The following MUC6 variants were observed in gnomAD, a reference collection of about 807,000 sequenced individuals.
MUC6 encodes the protein mucin 6, oligomeric mucus/gel-forming (gene/pseudogene).
MUC6 carries 188 observed loss-of-function variants against 201.5 expected under a neutral mutation model. The observed-to-expected ratio is 0.93, with a 90% CI of 0.83 to 1.05. MUC6 has a LOEUF of 1.05. Among genes scored for constraint, MUC6 ranks in the 50% least tolerant of loss-of-function variants. The pLI is 0.00. For missense variants in MUC6, 2,706 were observed against 3,256.9 expected, an observed-to-expected ratio of 0.83 and a Z score of 4.12; for synonymous variants, 1,228 against 1,389.4, an observed-to-expected ratio of 0.88 and a Z score of 2.58.
intron 1 of MUC6, among the ~76,000 whole-genome samples, chr11:1,034,435 G>A (rs1183195022): frequency 6.6e-6 from 1 of 152,200 alleles, no homozygotes; most frequent in Admixed American, 6.5e-5. Flanking sequence ...AGGTGTCATG[G>A]TCCTCAGCCC....
intron 24 of MUC6, among the ~76,000 whole-genome samples, chr11:1,024,442 G>A (rs1351641154): frequency 1.3e-5 from 2 of 152,172 alleles, no homozygotes; most frequent in Non-Finnish European, 2.9e-5. Context: ...GTTCCCCCGC[G>A]GGGTGCCCCC....
chr11:1,031,284 GC>G (rs1564844944), intron 4 of MUC6, 25 bp from the exon 5 acceptor site: 3 of 1,547,722 alleles, frequency 1.9e-6, no homozygotes, highest in East Asian at 2.4e-5. Flanking sequence ...TCTGCTGGGG[GC>G]CCGGGGGCCA....
chr11:1,029,409 C>T, intron 9 of MUC6, 43 bp from the exon 10 acceptor site: 1 of 1,594,426 alleles, frequency 6.3e-7, no homozygotes, highest in Non-Finnish European at 8.5e-7. Flanking sequence ...GGCAGGGCCG[C>T]TGGAGCCAGA....
intron 26 of MUC6, among the ~76,000 whole-genome samples, chr11:1,021,910 A>G (rs1384636864): frequency 6.6e-6 from 1 of 152,014 alleles, no homozygotes. Context: ...CACTTGGGCC[A>G]GGACCTGTTA....
chr11:1,028,178 T>A (rs1325881029), intron 14 of MUC6, 48 bp downstream of exon 14: 1 of 1,540,850 alleles, frequency 6.5e-7, no homozygotes. Flanking sequence ...CTGTCAGAAC[T>A]GTGGGCGCTG....
At position 1,015,814 on chromosome 11, in the gene MUC6, G is replaced by T. The variant is rs201540547; in HGVS notation, c.6987C>A (p.Thr2329=). Residue 2329 remains threonine, a synonymous_variant, in exon 31 of 33, where the codon ACC becomes ACA. Coordinates refer to ENST00000421673, the MANE Select transcript of MUC6 (RefSeq NM_005961.3). ...GAGAAGATACCGGGGCAGAAGCAGG[G>T]GTGCTTCCATGGGCAGTGAGGGAGC... ...LTSSLTAHGS[T]PASAPVSSLG... 5.0e-5 allele frequency: 79 copies of T among 1,567,900 alleles called. No individual in the cohort carries two copies. Among genetic ancestry groups the T allele is most frequent in the Non-Finnish European group, 6.6e-5 (76 of 1,155,274 alleles).
rs374502122 is a variant in MUC6 at position 1,024,068 on chromosome 11, G to A, written c.3261C>T (p.Arg1087=). The A allele has an allele frequency of 1.7e-4, 278 of 1,613,064 alleles. No individual in the cohort carries two copies. The highest frequency in any genetic ancestry group is 2.5e-4 in the African/African-American group (19 of 75,062). The part of the protein sequence containing the change: ...YHLPYYEACV[R]DACGCDSGGD... ...CGCCACTGTCACACCCACATGCGTC[G>A]CGCACGCAGGCCTCGTAGTAGGGCA... is the stretch of plus-strand genomic sequence containing the variant. The change falls in exon 25 of 33, where the codon CGC becomes CGT. Residue 1087 remains arginine, a synonymous_variant. Transcript: ENST00000421673.
At position 1,013,234 on chromosome 11, in the gene MUC6, CCT is replaced by C. The variant is rs1224949567; in HGVS notation, c.*220_*221del. 36 of 576,318 alleles carry C rather than the reference CCT, an allele frequency of 6.2e-5. No homozygotes were observed. The African/African-American group carries it at 6.5e-4, about 10-fold the overall frequency. 35.7% of individuals were successfully genotyped at this position (576,318 alleles called of 1,614,324 possible). A position where few individuals can be genotyped will look rare whatever the true frequency, so the allele number is the denominator to read the frequency against. ...TCCGTGACCACTGTCCGCCTCAGTC[CCT>C]CTCTGCTGGCTCAGGGTCTGCAGGA... On this transcript the variant is annotated 3_prime_UTR_variant, in exon 33 of 33. Transcript: ENST00000421673.
Position 1,032,061 on chromosome 11 carries a change from G to C in MUC6, c.116-8C>G, listed in dbSNP as rs369353556. 6.2e-7 allele frequency: 1 copy of C among 1,612,514 alleles called. No homozygotes were observed. Among genetic ancestry groups the C allele is most frequent in the Non-Finnish European group, 8.5e-7 (1 of 1,179,656 alleles). On this transcript the variant is annotated splice_polypyrimidine_tract_variant and splice_region_variant and intron_variant, in intron 2 of 32. Coordinates refer to ENST00000421673, the MANE Select transcript of MUC6 (RefSeq NM_005961.3). Reference sequence around the variant, plus strand: ...ACTGGCCTTTGTCCGGGGCTACAGAGAGAGCAGTGCTCACACAGCCCTGTG... The same window carrying C: ...ACTGGCCTTTGTCCGGGGCTACAGACAGAGCAGTGCTCACACAGCCCTGTG...
In MUC6 at chr11:1,025,027, C is replaced by T; in HGVS notation, c.3042G>A (p.Glu1014=). 6.2e-7 allele frequency: 1 copy of T among 1,613,044 alleles called. No homozygotes were observed. The highest frequency in any genetic ancestry group is 8.5e-7 in the Non-Finnish European group (1 of 1,179,836). Reference sequence around the variant, plus strand: ...TGGATGCCACGTACCTGCTGCGCGTCTCGAAGTCGTCCTTCATGTTCCCGT... The same window carrying T: ...TGGATGCCACGTACCTGCTGCGCGTTTCGAAGTCGTCCTTCATGTTCCCGT... ...NFNGNMKDDF[E]TRSRYVASSE... The change falls in exon 24 of 33, where the codon GAG becomes GAA. Residue 1014 remains glutamate (E), a synonymous_variant. Transcript: ENST00000421673.
chr11:1,028,928 T>C lies in MUC6; in HGVS notation c.1414A>G (p.Thr472Ala). The C allele has an allele frequency of 6.2e-7, 1 of 1,613,006 alleles. No individual in the cohort carries two copies. Among genetic ancestry groups the C allele is most frequent in the Non-Finnish European group, 8.5e-7 (1 of 1,179,890 alleles). ...KIVISQDEVV[T>A]NNGEAKWLPY... ...AGCCACTTGGCTTCTCCGTTGTTGG[T>C]GACCACCTCGTCCTGAGAGATCACA... Residue 472 changes from threonine (T) to alanine (A), a missense_variant, in exon 12 of 33, where the codon ACC becomes GCC. Around this residue, in one of 10 missense-constraint regions of MUC6, gnomAD observed 1,850 missense variants for 1,958.3 expected, o/e 0.94. Coordinates refer to ENST00000421673, the MANE Select transcript of MUC6 (RefSeq NM_005961.3).
chr11:1,035,976 C>A (rs1167205984), intron 1 of MUC6, among the ~76,000 whole-genome samples: 1 of 152,094 alleles, frequency 6.6e-6, no homozygotes, highest in African/African-American at 2.4e-5. Context: ...AGCCGCAGGG[C>A]AGGCGGTTGG....
At position 1,033,099 on chromosome 11, in the gene MUC6, G is replaced by T. The variant is rs758112160; in HGVS notation, c.53-24C>A. 1 of 1,612,188 alleles carries T rather than the reference G, an allele frequency of 6.2e-7. No individual in the cohort carries two copies. The highest frequency in any genetic ancestry group is 1.1e-5 in the South Asian group (1 of 91,048). On this transcript the variant is annotated intron_variant, in intron 1 of 32. Transcript: ENST00000421673. The surrounding 1 kb of genome is among the most constrained non-coding windows in gnomAD (Gnocchi z 5.6). ...ACCTGTGTGGACGGGACCCGCAGTC[G>T]GTGTGGGGCTACCCCGTCGTCCCTG... is the stretch of plus-strand genomic sequence containing the variant.
chr11:1,036,250 A>T (rs1857214165), intron 1 of MUC6, among the ~76,000 whole-genome samples: 1 of 152,082 alleles, frequency 6.6e-6, no homozygotes, highest in Non-Finnish European at 1.5e-5. Flanking sequence ...CCACTCGGGG[A>T]GGGAGAGCGC....
Position 1,018,170 on chromosome 11 carries a change from G to GT in MUC6, c.4630dup (p.Thr1544AsnfsTer8), listed in dbSNP as rs1312846808. The GT allele has an allele frequency of 3.7e-5, 48 of 1,290,670 alleles. No individual in the cohort carries two copies. The highest frequency in any genetic ancestry group is 1.7e-4 in the African/African-American group (9 of 52,948). The allele number at this position is 1,290,670 out of a possible 1,614,324, so 80.0% of individuals were successfully genotyped here. ...TGTACTAGTGGGGTTGGGAGTAATC[G>GT]TGGTAGTAGAAGTTGGGGTGACTTC... On this transcript the variant is annotated frameshift_variant, in exon 31 of 33. Coordinates refer to ENST00000421673, the MANE Select transcript of MUC6 (RefSeq NM_005961.3). LOFTEE classifies it high-confidence loss of function.
rs369973574 is a variant in MUC6 at position 1,028,792 on chromosome 11, C to G, written c.1454-9G>C. Reference sequence around the variant, plus strand: ...GAAGACCGTGATGTTGCCTGCAGGACGCAGTGCTCAGTGGGCCGTCTGGGC... The same window carrying G: ...GAAGACCGTGATGTTGCCTGCAGGAGGCAGTGCTCAGTGGGCCGTCTGGGC... On this transcript the variant is annotated splice_polypyrimidine_tract_variant and intron_variant, in intron 12 of 32. Coordinates refer to ENST00000421673, the MANE Select transcript of MUC6 (RefSeq NM_005961.3). The G allele has an allele frequency of 1.2e-6, 2 of 1,609,958 alleles. No individual in the cohort carries two copies. The highest frequency in any genetic ancestry group is 1.7e-6 in the Non-Finnish European group (2 of 1,179,680).
intron 19 of MUC6, 75 bp downstream of exon 19, chr11:1,026,866 C>A: frequency 7.3e-7 from 1 of 1,375,536 alleles, no homozygotes; most frequent in Non-Finnish European, 9.9e-7. Flanking sequence ...CCAGGTCTCC[C>A]GGAGTTCTGT....
Position 1,026,468 on chromosome 11 carries a change from TTGG to T in MUC6, c.2402_2404del (p.Thr801del). 5.0e-6 allele frequency: 8 copies of T among 1,592,086 alleles called. No homozygotes were observed. Among genetic ancestry groups the T allele is most frequent in the Non-Finnish European group, 6.8e-6 (8 of 1,170,732 alleles). ...GGCGCAGACACAGCCAGGCTCACAC[TTGG>T]TGGGCACCTGGAGGGAGGCAGGTCA... On this transcript the variant is annotated inframe_deletion, in exon 20 of 33. Transcript: ENST00000421673.
At chr11:1,025,139 T>C in intron 23 of MUC6, 43 bp downstream of exon 23, 2 of 1,610,528 alleles carry the variant, frequency 1.2e-6, no homozygotes. Flanking sequence ...TCTCCACCCC[T>C]GCATCAGGGA....
Sources: gnomAD v4.1 joint callset for allele counts (sites outside exome capture counted in the v4.1 genomes callset) on GRCh38, gnomAD v4.1.1 for gene constraint, gnomAD v4.1.1 regional missense constraint, Gnocchi (gnomAD v3.1) non-coding constraint, MANE v1.5 for transcripts, NCBI Gene and HGNC (gene_info 2026-07-23, HGNC 2026-07-21) for gene names.